Variants in PDE1C observed in about 807,000 individuals in gnomAD.
The protein encoded by PDE1C is phosphodiesterase 1C.
A neutral mutation model predicts 93.1 loss-of-function variants in PDE1C; 62 were observed. The ratio of observed to expected loss-of-function variants is 0.67; its 90% confidence interval spans 0.54 to 0.82. The LOEUF (loss-of-function observed/expected upper bound fraction) is 0.82, where lower values mean the gene tolerates loss of function less well. PDE1C is among the 40% of genes least tolerant of loss of function. The probability of loss-of-function intolerance (pLI) is 0.00; values close to 1 mark genes in which losing one functional copy is unlikely to be tolerated. For missense variants in PDE1C, 742 were observed against 884.6 expected, an observed-to-expected ratio of 0.84 and a Z score of 2.04; for synonymous variants, 325 against 310.1, an observed-to-expected ratio of 1.05 and a Z score of -0.50.
chr7:32,052,089 G>C (rs1395843895), intron 1 of PDE1C, among the ~76,000 whole-genome samples: 1 of 152,144 alleles, frequency 6.6e-6, no homozygotes, highest in Non-Finnish European at 1.5e-5. Flanking sequence ...CTTTAAGGAT[G>C]TGCCTTTTTA....
intron 11 of PDE1C, among the ~76,000 whole-genome samples, chr7:31,829,764 T>C (rs539444400): frequency 3.1e-4 from 47 of 152,288 alleles, no homozygotes; most frequent in Non-Finnish European, 4.0e-4. Flanking sequence ...TACTGAAAAC[T>C]GCTCTCTCAA....
At chr7:32,229,295 G>A (rs761764729) in intron 1 of PDE1C, among the ~76,000 whole-genome samples, 4 of 152,222 alleles carry the variant, frequency 2.6e-5, no homozygotes, top group Non-Finnish European at 4.4e-5. Flanking sequence ...ATGGACAACT[G>A]TTGTGTACAG....
At chr7:32,209,572 A>C (rs1308271511) in intron 1 of PDE1C, 1 of 1,524,622 alleles carries the variant, frequency 6.6e-7, no homozygotes, top group African/African-American at 1.4e-5. Flanking sequence ...AATTTAAATA[A>C]ATAAAGCAAT....
At position 31,761,708 on chromosome 7, in the gene PDE1C, A is replaced by G. The variant is rs116371190; in HGVS notation, c.1961-8155T>C. On this transcript the variant is annotated intron_variant, in intron 17 of 17. Transcript: ENST00000396191. ...AAGCAGAATCTATGAGGGTAGGACT[A>G]AGCCTTCAGGAATTGTTTAAGCTCT... 7.4e-3 allele frequency among the ~76,000 whole-genome samples: 1,124 copies of G among 152,282 alleles called. 15 individuals are homozygous for G. Among genetic ancestry groups the G allele is most frequent in the African/African-American group, 0.026 (1,078 of 41,546 alleles).
At chr7:32,166,616 AG>A (rs1314071384) in intron 3 of PDE1C, among the ~76,000 whole-genome samples, 1 of 152,240 alleles carries the variant, frequency 6.6e-6, no homozygotes, top group African/African-American at 2.4e-5. Flanking sequence ...CACAACCCCT[AG>A]GGAAGAAAGG....
the PDE1C span, among the ~76,000 whole-genome samples, chr7:31,740,977 G>A: frequency 6.6e-6 from 1 of 151,956 alleles, no homozygotes; most frequent in Non-Finnish European, 1.5e-5. Context: ...GCTGAAGTGG[G>A]AGGATCTCTT....
chr7:32,070,176 T>C, intron 1 of PDE1C, 117 bp downstream of exon 1: 1 of 1,533,516 alleles, frequency 6.5e-7, no homozygotes, highest in Non-Finnish European at 8.8e-7. Flanking sequence ...GTGGAACTTC[T>C]AGGGTTGTAT....
chr7:31,768,523 A>G (rs1795282291), intron 17 of PDE1C, among the ~76,000 whole-genome samples: 2 of 152,134 alleles, frequency 1.3e-5, no homozygotes, highest in Admixed American at 1.3e-4. Flanking sequence ...CCATTATTTT[A>G]CTGATGATCC....
rs187279150 is a variant in PDE1C at position 32,283,347 on chromosome 7, T to G, written c.85+15304A>C. On this transcript the variant is annotated intron_variant, in intron 1 of 18. Transcript: ENST00000396193. ...TTCATTAAGCAAAAACAACTTTTTT[T>G]TTGTTCAGGGAAGATATTCACCAAA... 2.3e-3 allele frequency among the ~76,000 whole-genome samples: 344 copies of G among 152,316 alleles called. 2 individuals are homozygous for G. The highest frequency in any genetic ancestry group is 3.5e-3 in the Non-Finnish European group (240 of 68,016).
chr7:31,643,682 C>A, the PDE1C span: 10 of 1,613,954 alleles, frequency 6.2e-6, no homozygotes, highest in Non-Finnish European at 8.5e-7. Context: ...AGCAACAAGA[C>A]CTTGACACAT....
chr7:32,301,936 AAAG>A (rs1192434968), upstream of PDE1C, among the ~76,000 whole-genome samples: 1 of 152,240 alleles, frequency 6.6e-6, no homozygotes, highest in Non-Finnish European at 1.5e-5. Context: ...ATAAAGATGA[AAAG>A]AAGAATAATA....
At chr7:32,387,690 C>G (rs1170363512) in intron 1 of PDE1C, among the ~76,000 whole-genome samples, 58 of 145,548 alleles carry the variant, frequency 4.0e-4, no homozygotes, top group African/African-American at 1.1e-3. Flanking sequence ...TGACCCCCCC[C>G]ACCTCCCTCC....
At chr7:31,899,947 G>T (rs1176972473) in intron 2 of PDE1C, among the ~76,000 whole-genome samples, 1 of 152,116 alleles carries the variant, frequency 6.6e-6, no homozygotes, top group Non-Finnish European at 1.5e-5. Context: ...GGTATGCAGG[G>T]ATGCTGCTAA....
intron 2 of PDE1C, among the ~76,000 whole-genome samples, chr7:32,021,552 A>G (rs1262536894): frequency 6.6e-6 from 1 of 152,176 alleles, no homozygotes; most frequent in Non-Finnish European, 1.5e-5. Context: ...GGAAGTAAAA[A>G]CAAACGAAAT....
chr7:31,806,373 A>G (rs1222907448), intron 16 of PDE1C, among the ~76,000 whole-genome samples: 1 of 152,010 alleles, frequency 6.6e-6, no homozygotes, highest in East Asian at 1.9e-4. Context: ...TTTGTGTGGT[A>G]ACCCACAAAT....
the PDE1C span, among the ~76,000 whole-genome samples, chr7:31,625,828 T>TAA: frequency 1.2e-4 from 18 of 151,942 alleles, no homozygotes; most frequent in African/African-American, 4.1e-4. Flanking sequence ...TCTTTTTTTT[T>TAA]AAATTTTTTC....
intron 1 of PDE1C, among the ~76,000 whole-genome samples, chr7:32,375,027 G>A (rs982576029): frequency 4.6e-5 from 7 of 152,036 alleles, no homozygotes; most frequent in Admixed American, 4.6e-4. Flanking sequence ...TAATAAAAAG[G>A]GTAATGTGAG....
At position 32,004,795 on chromosome 7, in the gene PDE1C, A is replaced by C. The variant is rs550539626; in HGVS notation, c.128+46759T>G. Among the ~76,000 whole-genome samples, 16 of 152,356 alleles carry C rather than the reference A, an allele frequency of 1.1e-4. No homozygotes were observed. In the South Asian group the frequency reaches 1.9e-3, roughly 18 times the overall value. On this transcript the variant is annotated intron_variant, in intron 2 of 17. Coordinates refer to ENST00000396191, the MANE Select transcript of PDE1C (RefSeq NM_001191057.4). Reference sequence around the variant, plus strand: ...AATAATTTAAGATGGATTTTCTATCACATACCACAGAAATAGTTCAAGTAC... The same window carrying C: ...AATAATTTAAGATGGATTTTCTATCCCATACCACAGAAATAGTTCAAGTAC...
In PDE1C at chr7:31,864,972, C is replaced by T. The variant is rs1795113741; in HGVS notation, c.720G>A (p.Val240=). The T allele has an allele frequency of 3.1e-6, 5 of 1,613,872 alleles. No homozygotes were observed. The highest frequency in any genetic ancestry group is 4.2e-6 in the Non-Finnish European group (5 of 1,179,914). Residue 240 remains valine (V), a synonymous_variant, in exon 7 of 18, where the codon GTG becomes GTA. Transcript: ENST00000396191. The stretch of plus-strand genomic sequence containing the variant: ...CTCCTGTCTTATAGAGGAGGTAATG[C>T]ACTGTCTGTGTAACATCGGCAGCGT... ...LMHAADVTQT[V]HYLLYKTGVA... is the part of the protein sequence containing the mutation.
Sources: gnomAD v4.1 joint callset for allele counts (sites outside exome capture counted in the v4.1 genomes callset) on GRCh38, gnomAD v4.1.1 for gene constraint, MANE v1.5 for transcripts, NCBI Gene and HGNC (gene_info 2026-07-23, HGNC 2026-07-21) for gene names.